The following SMIM20 variants were observed in gnomAD, a reference collection of about 807,000 sequenced individuals.
SMIM20 encodes the protein small integral membrane protein 20.
In SMIM20, 3 loss-of-function variants were observed where a neutral mutation model predicts 8.7. That is an observed-to-expected ratio of 0.34 (90% CI 0.16 to 0.89). SMIM20 has a LOEUF of 0.89. Ranked by LOEUF, SMIM20 falls within the 40% of genes least tolerant of loss-of-function variation. The pLI is 0.49. For synonymous variants in SMIM20, 44 were observed against 33.6 expected (o/e 1.31, Z -1.07); for missense variants, 85 against 84.8 (o/e 1.00, Z -0.01).
In SMIM20 at chr4:25,928,867, C is replaced by T. The variant is rs1711580634; in HGVS notation, c.167-287C>T. On this transcript the variant is annotated intron_variant, in intron 2 of 2. Transcript: ENST00000506197. ...GGTTTCTCATTTATTAACCAAAGCTCTTATAATCTGTGGCAACATTCTTTT... is the reference window on the plus strand; with the variant it reads ...GGTTTCTCATTTATTAACCAAAGCTTTTATAATCTGTGGCAACATTCTTTT... Among the ~76,000 whole-genome samples, 4 of 152,298 alleles carry T rather than the reference C, an allele frequency of 2.6e-5. No individual in the cohort carries two copies. In the South Asian group the frequency reaches 8.3e-4, roughly 32 times the overall value.
intron 1 of SMIM20, among the ~76,000 whole-genome samples, chr4:25,923,458 G>A (rs772313451): frequency 2.0e-5 from 3 of 152,200 alleles, no homozygotes; most frequent in Non-Finnish European, 2.9e-5. Context: ...GCTCATTTCC[G>A]TCCCCTCATT....
chr4:25,924,489 A>G lies in SMIM20; in HGVS notation c.110-3824A>G, dbSNP rs11933164. ...TCTTTCTCAAAAAATAAATAAATAA[A>G]CAAAAGAAACTCAAACTGACAAAAG... On this transcript the variant is annotated intron_variant, in intron 1 of 2. Coordinates refer to ENST00000506197, the MANE Select transcript of SMIM20 (RefSeq NM_001145432.3). Among the ~76,000 whole-genome samples the G allele has an allele frequency of 3.7e-3, 564 of 152,280 alleles. 7 individuals are homozygous for G. Among genetic ancestry groups the G allele is most frequent in the African/African-American group, 0.013 (540 of 41,568 alleles).
At chr4:25,928,206 A>C in intron 1 of SMIM20, 107 bp from the exon 2 acceptor site, 1 of 1,166,534 alleles carries the variant, frequency 8.6e-7, no homozygotes, top group Non-Finnish European at 1.2e-6. Context: ...AACAGCACTC[A>C]TAAATACTGT....
At chr4:25,920,118 C>T (rs988140041) in intron 1 of SMIM20, among the ~76,000 whole-genome samples, 1 of 152,196 alleles carries the variant, frequency 6.6e-6, no homozygotes, top group East Asian at 1.9e-4. Context: ...AAGTTTGTCA[C>T]GCCATCCAAA....
intron 1 of SMIM20, among the ~76,000 whole-genome samples, chr4:25,916,003 C>G (rs1245099459): frequency 6.6e-6 from 1 of 151,974 alleles, no homozygotes; most frequent in African/African-American, 2.4e-5. Flanking sequence ...GTTGAGAAAC[C>G]CTGCTTGAGA....
chr4:25,921,074 T>C (rs1719194152), intron 1 of SMIM20, among the ~76,000 whole-genome samples: 1 of 152,236 alleles, frequency 6.6e-6, no homozygotes, highest in Admixed American at 6.5e-5. Context: ...ATATTCACTC[T>C]TTACAAGCAT....
At position 25,928,377 on chromosome 4, in the gene SMIM20, G is replaced by GAA; in HGVS notation, c.166+18_166+19dup. On this transcript the variant is annotated intron_variant, in intron 2 of 2. Transcript: ENST00000506197. ...AGGATGTGCAGCCACCAGGTAAACT[G>GAA]AAAAAAAAAAATCAAAACCAAATCT... is the stretch of plus-strand genomic sequence containing the variant. 7.2e-6 allele frequency: 9 copies of GAA among 1,255,770 alleles called. No homozygotes were observed. The Admixed American group carries it at 7.4e-5, about 10-fold the overall frequency. The allele number at this position is 1,255,770 out of a possible 1,614,324, so 77.8% of individuals were successfully genotyped here.
rs976167606 is a variant in SMIM20, at chr4:25,929,284, G to A, written c.*93G>A. The A allele has an allele frequency of 5.1e-5, 69 of 1,348,196 alleles. No homozygotes were observed. Among genetic ancestry groups the A allele is most frequent in the Admixed American group, 2.1e-5 (1 of 47,346 alleles). 83.5% of individuals were successfully genotyped at this position (1,348,196 alleles called of 1,614,324 possible). On this transcript the variant is annotated 3_prime_UTR_variant, in exon 3 of 3. Transcript: ENST00000506197. ...GCCAGTCACCTCACCAGAGAATGAC[G>A]GCTGGAGAAGAAAACTCTGTAATAC... is the stretch of plus-strand genomic sequence containing the variant.
intron 1 of SMIM20, among the ~76,000 whole-genome samples, chr4:25,921,159 G>A (rs1719195504): frequency 6.6e-6 from 1 of 152,206 alleles, no homozygotes; most frequent in African/African-American, 2.4e-5. Flanking sequence ...GTACGGGAAG[G>A]CTGTGTTTCC....
At chr4:25,917,942 T>TG (rs1380159600) in intron 1 of SMIM20, among the ~76,000 whole-genome samples, 3 of 144,708 alleles carry the variant, frequency 2.1e-5, no homozygotes, top group African/African-American at 7.7e-5. Flanking sequence ...AGTTTTTTTT[T>TG]TTTGTTTTTT....
At chr4:25,916,587 C>T (rs146166468) in intron 1 of SMIM20, among the ~76,000 whole-genome samples, 2 of 151,960 alleles carry the variant, frequency 1.3e-5, no homozygotes, top group East Asian at 3.9e-4. Flanking sequence ...AGACAGTCTC[C>T]CTCTGTCGCC....
chr4:25,915,869 G>GGGGGGGGTT (rs1719082594), intron 1 of SMIM20, among the ~76,000 whole-genome samples: 2 of 103,258 alleles, frequency 1.9e-5, no homozygotes, highest in Middle Eastern at 5.0e-3. Flanking sequence ...CGGGGGGGGG[G>GGGGGGGGTT]TCGAGTGTTG....
At chr4:25,928,507 T>C (rs1711571899) in intron 2 of SMIM20, 138 bp downstream of exon 2, 3 of 831,336 alleles carry the variant, frequency 3.6e-6, no homozygotes, top group African/African-American at 1.8e-5. Context: ...TGCTATTTAT[T>C]TCTCAACAGT....
intron 1 of SMIM20, 112 bp downstream of exon 1, chr4:25,914,534 C>G: frequency 9.0e-7 from 1 of 1,115,036 alleles, no homozygotes; most frequent in Non-Finnish European, 1.2e-6. Context: ...TTAGGGAGAG[C>G]CGGGTTCGAA....
At position 25,929,204 on chromosome 4, in the gene SMIM20, C is replaced by G; in HGVS notation, c.*13C>G. 6.4e-7 allele frequency: 1 copy of G among 1,551,922 alleles called. No homozygotes were observed. On this transcript the variant is annotated 3_prime_UTR_variant, in exon 3 of 3. Transcript: ENST00000506197. Reference sequence around the variant, plus strand: ...TGGCAGGAAATGAGAGGGCTGTCATCAGCTCTGATTAAGAAAGGAGATTTC... The same window carrying G: ...TGGCAGGAAATGAGAGGGCTGTCATGAGCTCTGATTAAGAAAGGAGATTTC...
At chr4:25,922,483 A>G (rs889567502) in intron 1 of SMIM20, among the ~76,000 whole-genome samples, 3 of 152,154 alleles carry the variant, frequency 2.0e-5, no homozygotes, top group Admixed American at 2.0e-4. Flanking sequence ...TATGAGTAAG[A>G]GGCACCAACT....
intron 1 of SMIM20, among the ~76,000 whole-genome samples, chr4:25,917,077 G>A (rs1262958173): frequency 2.0e-5 from 3 of 152,124 alleles, no homozygotes; most frequent in African/African-American, 7.2e-5. Flanking sequence ...AAACTGAGGT[G>A]TGAAACAGTT....
intron 1 of SMIM20, among the ~76,000 whole-genome samples, chr4:25,919,480 A>G (rs1015100381): frequency 4.0e-5 from 6 of 151,192 alleles, no homozygotes; most frequent in African/African-American, 1.2e-4. Context: ...CTGGGATTAC[A>G]GGCACATGCC....
intron 1 of SMIM20, among the ~76,000 whole-genome samples, chr4:25,922,573 T>C (rs984127715): frequency 1.3e-5 from 2 of 152,180 alleles, no homozygotes; most frequent in African/African-American, 4.8e-5. Context: ...GTTTGCTCTT[T>C]TGCTCCTGCC....
Sources: allele counts gnomAD v4.1 joint callset (sites outside exome capture counted in the v4.1 genomes callset), GRCh38; gene constraint gnomAD v4.1.1; transcripts MANE v1.5; gene names NCBI Gene and HGNC (gene_info 2026-07-23, HGNC 2026-07-21).